DTNBP1: variants seen among roughly 807,000 people sequenced by gnomAD.
The protein encoded by DTNBP1 is dysbindin.
In DTNBP1, 35 loss-of-function variants were observed where a neutral mutation model predicts 42.8. That is an observed-to-expected ratio of 0.82 (90% CI 0.63 to 1.09). DTNBP1 has a LOEUF of 1.09. DTNBP1 is among the 50% of genes least tolerant of loss of function. The pLI is 0.00. For missense variants in DTNBP1, 457 were observed against 424.2 expected (o/e 1.08, Z -0.68); for synonymous variants, 171 against 162.2 (o/e 1.05, Z -0.41).
At position 15,593,050 on chromosome 6, in the gene DTNBP1, CA is replaced by C; in HGVS notation, c.511+8del. On this transcript the variant is annotated splice_region_variant and intron_variant, in intron 7 of 9. Coordinates refer to ENST00000344537, the MANE Select transcript of DTNBP1 (RefSeq NM_032122.5). ...ACTACTTTAAAGTGAAGAATTAACA[CA>C]AAATTACCTTTGAAGGTTTCAAGTT... 1.3e-6 allele frequency: 2 copies of C among 1,573,140 alleles called. No individual in the cohort carries two copies. Among genetic ancestry groups the C allele is most frequent in the Admixed American group, 1.8e-5 (1 of 55,950 alleles).
intron 7 of DTNBP1, among the ~76,000 whole-genome samples, chr6:15,559,313 AT>A (rs756954909): frequency 2.0e-5 from 3 of 152,186 alleles, no homozygotes; most frequent in Non-Finnish European, 4.4e-5. Context: ...TTTGAAGCAA[AT>A]TGGAAGGGTA....
chr6:15,598,736 A>G (rs1776611280), intron 6 of DTNBP1, among the ~76,000 whole-genome samples: 1 of 152,100 alleles, frequency 6.6e-6, no homozygotes, highest in African/African-American at 2.4e-5. Flanking sequence ...ACCTCCTTCC[A>G]GCTTGAGATG....
rs75380691 is a variant in DTNBP1, at chr6:15,533,192, C to T, written c.667+48G>A. 2.1e-5 allele frequency: 34 copies of T among 1,609,198 alleles called. No homozygotes were observed. In the Admixed American group the frequency reaches 2.5e-4, roughly 12 times the overall value. On this transcript the variant is annotated intron_variant, in intron 8 of 9. Coordinates refer to ENST00000344537, the MANE Select transcript of DTNBP1 (RefSeq NM_032122.5). ...CTGGGGAGAGGGGTCCATCGCCACC[C>T]CGCACAGCCGGTGAGTCCCCACACC... is the stretch of plus-strand genomic sequence containing the variant.
At chr6:15,604,655 G>A (rs1757919277) in intron 6 of DTNBP1, among the ~76,000 whole-genome samples, 2 of 151,966 alleles carry the variant, frequency 1.3e-5, no homozygotes, top group South Asian at 2.1e-4. Flanking sequence ...CTGGTCAAAC[G>A]CCACTACAGA....
rs548011220 is a variant in DTNBP1, at chr6:15,522,866, A to T, written c.*109T>A. ...TTAAGTTTCTCACACATTATTGGCA[A>T]TTATGTAAAAATCAAGAACCTCTAT... On this transcript the variant is annotated 3_prime_UTR_variant, in exon 10 of 10. Coordinates refer to ENST00000344537, the MANE Select transcript of DTNBP1 (RefSeq NM_032122.5). 1 of 1,574,276 alleles carries T rather than the reference A, an allele frequency of 6.4e-7. No homozygotes were observed. Among genetic ancestry groups the T allele is most frequent in the African/African-American group, 1.3e-5 (1 of 74,086 alleles).
chr6:15,662,783 G>C lies in DTNBP1; in HGVS notation c.56+31C>G, dbSNP rs1009557590. ...CCCAGGCGGCGGCCCGGCCCCCTCA[G>C]GTCCCTTTTCGTCGCCCACCGTATA... On this transcript the variant is annotated intron_variant, in intron 1 of 9. Coordinates refer to ENST00000344537, the MANE Select transcript of DTNBP1 (RefSeq NM_032122.5). 11 of 1,611,736 alleles carry C rather than the reference G, an allele frequency of 6.8e-6. No homozygotes were observed. The Admixed American group carries it at 1.0e-4, about 15-fold the overall frequency.
At chr6:15,523,936 G>T (rs1270659697) in intron 9 of DTNBP1, 1 of 1,287,262 alleles carries the variant, frequency 7.8e-7, no homozygotes, top group Admixed American at 2.3e-5. Flanking sequence ...GCTTTGCCTT[G>T]ACCCAGCCCA....
At chr6:15,610,211 A>T (rs1347501581) in intron 6 of DTNBP1, among the ~76,000 whole-genome samples, 1 of 152,148 alleles carries the variant, frequency 6.6e-6, no homozygotes, top group Non-Finnish European at 1.5e-5. Flanking sequence ...TGCTTTCAAC[A>T]CACCTTATCT....
At chr6:15,579,335 A>G in intron 7 of DTNBP1, among the ~76,000 whole-genome samples, 1 of 152,242 alleles carries the variant, frequency 6.6e-6, no homozygotes, top group East Asian at 1.9e-4. Flanking sequence ...TGGAAGCTAA[A>G]AAACTTGACT....
intron 7 of DTNBP1, among the ~76,000 whole-genome samples, chr6:15,543,330 G>T (rs1018137071): frequency 6.6e-6 from 1 of 152,058 alleles, no homozygotes; most frequent in Non-Finnish European, 1.5e-5. Context: ...CTGGTATAAG[G>T]TCAAAACCCA....
intron 7 of DTNBP1, among the ~76,000 whole-genome samples, chr6:15,557,982 T>C (rs1479741711): frequency 6.6e-5 from 10 of 152,022 alleles, no homozygotes; most frequent in Non-Finnish European, 7.4e-5. Flanking sequence ...ACAGGAAGCA[T>C]TGTTAAATAT....
intron 7 of DTNBP1, among the ~76,000 whole-genome samples, chr6:15,567,285 T>C (rs1775134570): frequency 6.6e-6 from 1 of 150,816 alleles, no homozygotes; most frequent in Non-Finnish European, 1.5e-5. Context: ...TGAGATCCTG[T>C]CTCTTAAAAA....
rs1030661643 is a variant in DTNBP1 at position 15,533,346 on chromosome 6, G to A, written c.561C>T (p.Thr187=). 3.1e-6 allele frequency: 5 copies of A among 1,614,182 alleles called. No homozygotes were observed. Among genetic ancestry groups the A allele is most frequent in the Admixed American group, 1.7e-5 (1 of 60,028 alleles). The change falls in exon 8 of 10, where the codon ACC becomes ACT. Residue 187 remains threonine (T), a synonymous_variant. Transcript: ENST00000344537. ...HAQKVLEMEH[T]QQMKLKERQK... ...GCCGCTCCTTCAGCTTCATTTGCTG[G>A]GTGTGCTCCATTTCCAGGACCTTCT...
intron 7 of DTNBP1, among the ~76,000 whole-genome samples, chr6:15,581,477 T>C (rs1235910380): frequency 1.0e-5 from 1 of 100,448 alleles, no homozygotes; most frequent in Non-Finnish European, 2.0e-5. Context: ...CGCGCCCGAC[T>C]GTTTTTTTTT....
At chr6:15,635,210 C>T (rs1169245509) in intron 4 of DTNBP1, among the ~76,000 whole-genome samples, 1 of 152,110 alleles carries the variant, frequency 6.6e-6, no homozygotes, top group African/African-American at 2.4e-5. Context: ...CCTCTGCCTC[C>T]CAGGTTCAAG....
At chr6:15,588,480 T>C (rs1776167258) in intron 7 of DTNBP1, among the ~76,000 whole-genome samples, 2 of 152,224 alleles carry the variant, frequency 1.3e-5, no homozygotes, top group South Asian at 4.1e-4. Context: ...ATTTATTACA[T>C]AATATACAGA....
chr6:15,647,689 A>G (rs1054878881), intron 3 of DTNBP1, among the ~76,000 whole-genome samples: 1 of 151,916 alleles, frequency 6.6e-6, no homozygotes, highest in Non-Finnish European at 1.5e-5. Flanking sequence ...TGTATAACCT[A>G]GCTGAAGTGG....
At chr6:15,553,281 G>A (rs997153169) in intron 7 of DTNBP1, among the ~76,000 whole-genome samples, 1 of 152,014 alleles carries the variant, frequency 6.6e-6, no homozygotes, top group Non-Finnish European at 1.5e-5. Flanking sequence ...CACTTTGAGG[G>A]AGGGGCAGAG....
intron 5 of DTNBP1, 67 bp from the exon 6 acceptor site, chr6:15,615,466 T>C: frequency 5.7e-6 from 9 of 1,589,080 alleles, no homozygotes; most frequent in Non-Finnish European, 6.9e-6. Flanking sequence ...ATACAAAAAG[T>C]ATCAAAAAGG....
Sources: allele counts gnomAD v4.1 joint callset (sites outside exome capture counted in the v4.1 genomes callset), GRCh38; gene constraint gnomAD v4.1.1; transcripts MANE v1.5; gene names NCBI Gene and HGNC (gene_info 2026-07-23, HGNC 2026-07-21).